Variants in LCOR observed in about 807,000 individuals in gnomAD.
The protein encoded by LCOR is ligand dependent nuclear receptor corepressor.
In LCOR, 14 loss-of-function variants were observed where a neutral mutation model predicts 64.4. That is an observed-to-expected ratio of 0.22 (90% CI 0.14 to 0.34). The LOEUF is 0.34. LCOR is among the 10% of genes least tolerant of loss of function. The pLI, the probability that LCOR is intolerant of heterozygous loss-of-function variation, is 1.00. For synonymous variants in LCOR, 643 were observed against 642.5 expected, an observed-to-expected ratio of 1.00 and a Z score of -0.01; for missense variants, 1,686 against 1,765.3, an observed-to-expected ratio of 0.96 and a Z score of 0.80.
At chr10:96,927,821 A>G (rs1847194541) in intron 4 of LCOR, among the ~76,000 whole-genome samples, 1 of 152,184 alleles carries the variant, frequency 6.6e-6, no homozygotes, top group Non-Finnish European at 1.5e-5. Context: ...GATAATGTGG[A>G]TTGGGTTCCA....
At chr10:96,940,334 T>TTA (rs1847431366) in intron 4 of LCOR, among the ~76,000 whole-genome samples, 1 of 110,716 alleles carries the variant, frequency 9.0e-6, no homozygotes, top group East Asian at 2.9e-4. Flanking sequence ...TTTTTTTTTT[T>TTA]ATTGATCATT....
intron 7 of LCOR, 30 bp from the exon 8 acceptor site, chr10:96,980,763 C>T (rs1402493924): frequency 3.1e-6 from 2 of 650,510 alleles, no homozygotes. Context: ...AATGACAATA[C>T]TAATTCCTTC....
chr10:96,877,326 C>T (rs889685699), intron 2 of LCOR, among the ~76,000 whole-genome samples: 5 of 152,102 alleles, frequency 3.3e-5, no homozygotes, highest in Non-Finnish European at 5.9e-5. Flanking sequence ...GAGTTCAAGA[C>T]CAGACTGGGC....
chr10:96,875,651 C>T (rs1456155462), intron 2 of LCOR, among the ~76,000 whole-genome samples: 1 of 152,074 alleles, frequency 6.6e-6, no homozygotes, highest in Non-Finnish European at 1.5e-5. Context: ...CGTTTGAGCT[C>T]AGGAGTTAGA....
chr10:96,982,269 C>T lies in LCOR; in HGVS notation c.1809C>T (p.Ser603=), dbSNP rs1380050211. The T allele has an allele frequency of 6.2e-7, 1 of 1,614,076 alleles. No homozygotes were observed. The highest frequency in any genetic ancestry group is 2.2e-5 in the East Asian group (1 of 44,894). ...CCACAAAGATTAAGCCGAACCTGAG[C>T]AGCTCCCCTAGGTCAGAGGAAACGA... ...VCPTKIKPNL[S]SSPRSEETTA... is the part of the protein sequence containing the mutation. The change falls in exon 8 of 8, where the codon AGC becomes AGT. Residue 603 remains serine, a synonymous_variant. Coordinates refer to ENST00000421806, the MANE Select transcript of LCOR (RefSeq NM_001346516.2).
Position 96,985,047 on chromosome 10 carries a change from A to AG in LCOR, c.4588dup (p.Glu1530GlyfsTer42). ...GGGCCAGACCCTCAACGAAAACCCC[A>AG]GAGAGCAGTGCAGCTCAGAGAAAGC... On this transcript the variant is annotated frameshift_variant, in exon 8 of 8. Transcript: ENST00000421806. LOFTEE classifies it high-confidence loss of function. The AG allele has an allele frequency of 6.2e-7, 1 of 1,614,234 alleles. No homozygotes were observed. Among genetic ancestry groups the AG allele is most frequent in the Non-Finnish European group, 8.5e-7 (1 of 1,180,036 alleles).
intron 2 of LCOR, among the ~76,000 whole-genome samples, chr10:96,875,210 C>G (rs1846142719): frequency 6.6e-6 from 1 of 151,736 alleles, no homozygotes; most frequent in Non-Finnish European, 1.5e-5. Flanking sequence ...TGGTGAAACC[C>G]CGTCTCTACT....
chr10:96,966,608 G>A (rs1847953727), intron 7 of LCOR, among the ~76,000 whole-genome samples: 1 of 152,152 alleles, frequency 6.6e-6, no homozygotes, highest in South Asian at 2.1e-4. Context: ...TGAAATGAGT[G>A]AATAATTTTT....
chr10:96,922,499 T>C (rs572819884), intron 4 of LCOR, among the ~76,000 whole-genome samples: 3 of 152,208 alleles, frequency 2.0e-5, no homozygotes, highest in Non-Finnish European at 4.4e-5. Context: ...GCCTCAAATA[T>C]GCAGTTGGAT....
At chr10:96,962,889 A>C (rs1253846802) in intron 7 of LCOR, 1 of 152,226 alleles carries the variant, frequency 6.6e-6, no homozygotes, top group Non-Finnish European at 1.5e-5. Context: ...TGTTCTTAGG[A>C]ATCCAGCTTG....
Position 96,982,463 on chromosome 10 carries a change from G to A in LCOR, c.2003G>A (p.Cys668Tyr). The A allele has an allele frequency of 1.2e-6, 2 of 1,614,206 alleles. No individual in the cohort carries two copies. Among genetic ancestry groups the A allele is most frequent in the Non-Finnish European group, 1.7e-6 (2 of 1,180,038 alleles). Residue 668 changes from cysteine (C) to tyrosine (Y), a missense_variant, in exon 8 of 8, where the codon TGT becomes TAT. Physicochemically the swap from Cys to Tyr is radical, Grantham distance 194. This residue lies in a region of LCOR where 1,293 missense variants were observed against 1,410.4 expected (regional missense o/e 0.92). Transcript: ENST00000421806. Reference sequence around the variant, plus strand: ...GAGGAGATGAGTGTACCCCAGGACTGTCACCTCCTTCCCTCCACTGAAAGC... The same window carrying A: ...GAGGAGATGAGTGTACCCCAGGACTATCACCTCCTTCCCTCCACTGAAAGC... Reference protein sequence around the residue: ...DTEEMSVPQDCHLLPSTESFS... With the variant: ...DTEEMSVPQDYHLLPSTESFS...
intron 2 of LCOR, among the ~76,000 whole-genome samples, chr10:96,870,804 T>C (rs1262006479): frequency 6.6e-6 from 1 of 152,196 alleles, no homozygotes; most frequent in Non-Finnish European, 1.5e-5. Context: ...CGCTCATGAG[T>C]TTAAGAATTA....
At chr10:96,872,193 A>G (rs1324489312) in intron 2 of LCOR, among the ~76,000 whole-genome samples, 1 of 152,274 alleles carries the variant, frequency 6.6e-6, no homozygotes, top group African/African-American at 2.4e-5. Flanking sequence ...TGTGAACTCT[A>G]TTGTGAGGGC....
At chr10:96,935,618 G>A (rs10882857) in intron 4 of LCOR, among the ~76,000 whole-genome samples, 92,918 of 152,142 alleles carry the variant, frequency 0.61, 34,504 homozygotes, top group Non-Finnish European at 0.82. Flanking sequence ...AGGATTGCTT[G>A]AGGCCAGTAG....
intron 2 of LCOR, among the ~76,000 whole-genome samples, chr10:96,847,506 G>C (rs981489694): frequency 6.6e-6 from 1 of 152,026 alleles, no homozygotes. Flanking sequence ...GCAATGGCAC[G>C]ATCTCGGCTC....
At chr10:96,838,140 A>G (rs1037242961) in intron 2 of LCOR, among the ~76,000 whole-genome samples, 1 of 152,236 alleles carries the variant, frequency 6.6e-6, no homozygotes, top group Non-Finnish European at 1.5e-5. Context: ...GTATTCAGCA[A>G]GTATCCCAAG....
At chr10:96,871,930 C>T (rs1846078915) in intron 2 of LCOR, among the ~76,000 whole-genome samples, 1 of 152,182 alleles carries the variant, frequency 6.6e-6, no homozygotes, top group Non-Finnish European at 1.5e-5. Context: ...CTGCCACTTT[C>T]ATAGAGTCAA....
Position 96,897,559 on chromosome 10 carries a change from CTTAT to C in LCOR, c.-329-9702_-329-9699del, listed in dbSNP as rs1433103142. Among the ~76,000 whole-genome samples the C allele has an allele frequency of 2.6e-5, 4 of 152,206 alleles. No individual in the cohort carries two copies. In the East Asian group the frequency reaches 7.7e-4, roughly 29 times the overall value. On this transcript the variant is annotated intron_variant, in intron 2 of 7. Transcript: ENST00000421806. ...CTCACTACCTCTGTGATTTTGGTAA[CTTAT>C]TTAATACCTTTGAATCTTGTTTATG...
At chr10:96,870,405 T>C (rs754714094) in intron 2 of LCOR, among the ~76,000 whole-genome samples, 2 of 152,180 alleles carry the variant, frequency 1.3e-5, no homozygotes, top group Non-Finnish European at 2.9e-5. Flanking sequence ...AACACTAAAC[T>C]AAATTACAAC....
Sources: gnomAD v4.1 joint callset for allele counts (sites outside exome capture counted in the v4.1 genomes callset) on GRCh38, gnomAD v4.1.1 for gene constraint, gnomAD v4.1.1 regional missense constraint, MANE v1.5 for transcripts, NCBI Gene and HGNC (gene_info 2026-07-23, HGNC 2026-07-21) for gene names.